Variants in MAP3K15 observed in about 807,000 individuals in gnomAD.
The protein encoded by MAP3K15 is MAPK/ERK kinase kinase 15.
A neutral mutation model predicts 99.5 loss-of-function variants in MAP3K15; 124 were observed. The ratio of observed to expected loss-of-function variants is 1.25; its 90% CI spans 1.08 to 1.45. The LOEUF (loss-of-function observed/expected upper bound fraction) is 1.45. Among genes scored for constraint, MAP3K15 ranks in the 40% most tolerant of loss-of-function variants. MAP3K15 has a pLI of 0.00. For synonymous variants in MAP3K15, 494 were observed against 439.6 expected, an observed-to-expected ratio of 1.12 and a Z score of -1.55; for missense variants, 1,242 against 1,079.7, an observed-to-expected ratio of 1.15 and a Z score of -2.11.
rs1418937300 is a variant in MAP3K15 at position 19,414,975 on chromosome X, A to G, written c.1590+132T>C. Reference sequence around the variant, plus strand: ...GATCTATCACTTACTGATTTCACATAAGATTGATGTTTATCCCAACATTTA... The same window carrying G: ...GATCTATCACTTACTGATTTCACATGAGATTGATGTTTATCCCAACATTTA... On this transcript the variant is annotated intron_variant, in intron 10 of 28. Coordinates refer to ENST00000338883, the MANE Select transcript of MAP3K15 (RefSeq NM_001001671.4). 8.9e-6 allele frequency: 5 copies of G among 560,368 alleles called. No homozygotes were observed. The East Asian group carries it at 1.9e-4, about 21-fold the overall frequency. 46.2% of individuals were successfully genotyped at this position (560,368 alleles called of 1,213,427 possible).
At chrX:19,483,565 A>AGTGTGTGT (rs140310801) in intron 3 of MAP3K15, among the ~76,000 whole-genome samples, 44 of 106,080 alleles carry the variant, frequency 4.1e-4, no homozygotes, top group Non-Finnish European at 7.6e-4. Flanking sequence ...ACTAACTATG[A>AGTGTGTGT]GTGTGTGTGT....
At chrX:19,471,136 A>C (rs1218139774) in intron 3 of MAP3K15, among the ~76,000 whole-genome samples, 1 of 111,903 alleles carries the variant, frequency 8.9e-6, no homozygotes, top group African/African-American at 3.2e-5. Flanking sequence ...AAAATGAACA[A>C]AGTCTTAAAG....
intron 5 of MAP3K15, among the ~76,000 whole-genome samples, chrX:19,458,051 C>G (rs2064106675): frequency 8.9e-6 from 1 of 112,407 alleles, no homozygotes; most frequent in African/African-American, 3.2e-5. Context: ...CCGCCTGTTA[C>G]TCTTTCAGCC....
At position 19,380,174 on chromosome X, in the gene MAP3K15, G is replaced by A. The variant is rs998276509; in HGVS notation, c.2535C>T (p.Ala845=). The A allele has an allele frequency of 1.2e-5, 14 of 1,203,820 alleles. No homozygotes were observed. The highest frequency in any genetic ancestry group is 1.6e-5 in the Non-Finnish European group (14 of 891,999). Residue 845 remains alanine (A), a synonymous_variant, in exon 19 of 29, where the codon GCC becomes GCT. Transcript: ENST00000338883. Reference sequence around the variant, plus strand: ...GCTCATGGAACGGAGGCTTGCTGGTGGCCATCTCAATGATGGTGCAGCCCA... The same window carrying A: ...GCTCATGGAACGGAGGCTTGCTGGTAGCCATCTCAATGATGGTGCAGCCCA... The part of the protein sequence containing the change: ...WSLGCTIIEM[A]TSKPPFHELG...
intron 3 of MAP3K15, among the ~76,000 whole-genome samples, chrX:19,481,454 T>A (rs1015456161): frequency 9.9e-5 from 11 of 111,337 alleles, no homozygotes; most frequent in Non-Finnish European, 1.1e-4. Flanking sequence ...GGAGTCATAC[T>A]TCATGACCTT....
chrX:19,448,055 T>C (rs181049615), intron 6 of MAP3K15, among the ~76,000 whole-genome samples: 18 of 107,737 alleles, frequency 1.7e-4, no homozygotes, highest in South Asian at 4.2e-4. Context: ...AAAGTCAATG[T>C]TTCCTAAGTG....
chrX:19,460,988 T>C (rs1297771232), intron 4 of MAP3K15, among the ~76,000 whole-genome samples: 1 of 107,239 alleles, frequency 9.3e-6, no homozygotes, highest in Non-Finnish European at 1.9e-5. Flanking sequence ...TTTTTTTTTT[T>C]CTTTTTCTTA....
intron 6 of MAP3K15, among the ~76,000 whole-genome samples, chrX:19,456,308 G>A (rs371954672): frequency 2.0e-4 from 22 of 111,836 alleles, no homozygotes; most frequent in Admixed American, 5.7e-4. Flanking sequence ...CAATGAGAAC[G>A]AACAAACCAC....
chrX:19,492,902 G>C (rs995900122), intron 1 of MAP3K15, among the ~76,000 whole-genome samples: 1 of 110,959 alleles, frequency 9.0e-6, no homozygotes, highest in African/African-American at 3.3e-5. Flanking sequence ...GGGAGGAGGC[G>C]GTTGCAGTGA....
intron 6 of MAP3K15, among the ~76,000 whole-genome samples, chrX:19,445,636 T>C (rs1370811624): frequency 4.9e-5 from 5 of 102,357 alleles, no homozygotes; most frequent in African/African-American, 1.8e-4. Flanking sequence ...CAAACTAAAA[T>C]TGCTTTTAAA....
chrX:19,476,736 C>T (rs901553881), intron 3 of MAP3K15, among the ~76,000 whole-genome samples: 5 of 112,018 alleles, frequency 4.5e-5, no homozygotes, highest in East Asian at 5.6e-4. Flanking sequence ...TAAAAGTAAA[C>T]GAAGATATCC....
Position 19,445,010 on chromosome X carries a change from G to T in MAP3K15, c.995+11903C>A, listed in dbSNP as rs1215664310. Among the ~76,000 whole-genome samples the T allele has an allele frequency of 2.7e-5, 3 of 110,674 alleles. No homozygotes were observed. The Admixed American group carries it at 2.9e-4, about 11-fold the overall frequency. On this transcript the variant is annotated intron_variant, in intron 6 of 28. Coordinates refer to ENST00000338883, the MANE Select transcript of MAP3K15 (RefSeq NM_001001671.4). ...AGGTCCCCAGCTTCCTCGTCCACTG[G>T]ATGAGACAACTCTATATGTTGTTCT...
At chrX:19,372,916 G>A in intron 21 of MAP3K15, 89 bp from the exon 22 acceptor site, 1 of 903,361 alleles carries the variant, frequency 1.1e-6, no homozygotes, top group Non-Finnish European at 1.6e-6. Flanking sequence ...GAGAAGGGCT[G>A]AGAGGTAACT....
At chrX:19,374,754 T>A (rs1429647038) in intron 19 of MAP3K15, 94 bp from the exon 20 acceptor site, 19 of 818,865 alleles carry the variant, frequency 2.3e-5, no homozygotes, top group Middle Eastern at 3.4e-4. Flanking sequence ...ACACCTGACA[T>A]CCCAGGACAG....
chrX:19,456,942 A>G lies in MAP3K15; in HGVS notation c.966T>C (p.Ile322=), dbSNP rs760851518. 2 of 1,196,289 alleles carry G rather than the reference A, an allele frequency of 1.7e-6. No individual in the cohort carries two copies. Among genetic ancestry groups the G allele is most frequent in the East Asian group, 5.9e-5 (2 of 33,760 alleles). The change falls in exon 6 of 29, where the codon ATT becomes ATC. Residue 322 remains isoleucine, a synonymous_variant. Transcript: ENST00000338883. ...TCAGTGCAAACGCATAGTGGAATTT[A>G]ATGTTATGCTGATCGGCCAAATCAC... is the stretch of plus-strand genomic sequence containing the variant. ...PTCDLADQHN[I]KFHYAFALNR...
At chrX:19,419,449 T>TAC (rs957829883) in intron 9 of MAP3K15, among the ~76,000 whole-genome samples, 9 of 109,895 alleles carry the variant, frequency 8.2e-5, no homozygotes, top group African/African-American at 3.0e-4. Flanking sequence ...AGAAGGCCAT[T>TAC]ACATAATGGT....
chrX:19,370,882 A>T, intron 24 of MAP3K15, 77 bp downstream of exon 24: 1 of 757,981 alleles, frequency 1.3e-6, no homozygotes, highest in Non-Finnish European at 2.0e-6. Context: ...GAGAAAAGCA[A>T]CAACTGTTGA....
At chrX:19,378,890 C>G (rs986759416) in intron 19 of MAP3K15, among the ~76,000 whole-genome samples, 1 of 111,006 alleles carries the variant, frequency 9.0e-6, no homozygotes, top group East Asian at 2.8e-4. Flanking sequence ...CCTGTTAGCT[C>G]GGGGAGGGTT....
At chrX:19,443,757 C>T (rs142908800) in intron 6 of MAP3K15, among the ~76,000 whole-genome samples, 2,824 of 110,966 alleles carry the variant, frequency 0.025, 79 homozygotes, top group African/African-American at 0.087. Flanking sequence ...AGGAGCAAAC[C>T]GGGAGGGACG....
Sources: gnomAD v4.1 joint callset for allele counts (sites outside exome capture counted in the v4.1 genomes callset) on GRCh38, gnomAD v4.1.1 for gene constraint, MANE v1.5 for transcripts, NCBI Gene and HGNC (gene_info 2026-07-23, HGNC 2026-07-21) for gene names.